ITGA9: variants seen among roughly 807,000 people sequenced by gnomAD.
ITGA9 encodes the protein integrin subunit alpha 9.
A neutral mutation model predicts 127.8 loss-of-function variants in ITGA9; 56 were observed. The observed-to-expected ratio is 0.44, with a 90% confidence interval of 0.35 to 0.55. The LOEUF is 0.55. ITGA9 is among the 20% of genes least tolerant of loss of function. The pLI, the probability that ITGA9 is intolerant of heterozygous loss-of-function variation, is 0.00. For synonymous variants in ITGA9, 508 were observed against 514.5 expected (o/e 0.99, Z 0.17); for missense variants, 1,196 against 1,347.1 (o/e 0.89, Z 1.76).
At chr3:37,642,373 T>C (rs1357882933) in intron 16 of ITGA9, among the ~76,000 whole-genome samples, 1 of 152,256 alleles carries the variant, frequency 6.6e-6, no homozygotes, top group Non-Finnish European at 1.5e-5. Context: ...TATTTGCTAT[T>C]GATCCGCAAC....
In ITGA9 at chr3:37,629,106, A is replaced by C; in HGVS notation, c.1690-81A>C. 1.3e-6 allele frequency: 2 copies of C among 1,501,388 alleles called. No homozygotes were observed. Among genetic ancestry groups the C allele is most frequent in the South Asian group, 2.3e-5 (2 of 88,398 alleles). 93.0% of individuals were successfully genotyped at this position (1,501,388 alleles called of 1,614,324 possible). On this transcript the variant is annotated intron_variant, in intron 15 of 27. Coordinates refer to ENST00000264741, the MANE Select transcript of ITGA9 (RefSeq NM_002207.3). The surrounding 1 kb of genome is among the most constrained non-coding windows in gnomAD (Gnocchi z 4.5). ...GGATTATATGAGGCAATTCATGTAGAAGGTCTTTGTAAACTGTGAAATGCT... is the reference window on the plus strand; with the variant it reads ...GGATTATATGAGGCAATTCATGTAGCAGGTCTTTGTAAACTGTGAAATGCT...
At chr3:37,684,043 C>CA in intron 18 of ITGA9, 28 bp downstream of exon 18, 1 of 1,600,668 alleles carries the variant, frequency 6.2e-7, no homozygotes, top group African/African-American at 1.3e-5. Flanking sequence ...GTAAAAAGAG[C>CA]AGTTGTTCCA....
intron 18 of ITGA9, among the ~76,000 whole-genome samples, chr3:37,713,523 A>G (rs1701100799): frequency 6.6e-6 from 1 of 152,134 alleles, no homozygotes; most frequent in Non-Finnish European, 1.5e-5. Flanking sequence ...TAAAAAGACA[A>G]GAAACAAACA....
At chr3:37,796,723 G>A (rs1353049965) in intron 26 of ITGA9, among the ~76,000 whole-genome samples, 1 of 152,082 alleles carries the variant, frequency 6.6e-6, no homozygotes, top group Non-Finnish European at 1.5e-5. Context: ...AAACTGAGTC[G>A]TGTTCATACT....
chr3:37,465,385 A>C (rs948254029), intron 1 of ITGA9, among the ~76,000 whole-genome samples: 2 of 152,132 alleles, frequency 1.3e-5, no homozygotes, highest in Non-Finnish European at 2.9e-5. Context: ...AGGGCACTTA[A>C]ACTGCCACAC....
intron 14 of ITGA9, among the ~76,000 whole-genome samples, chr3:37,538,346 G>A (rs757716773): frequency 1.3e-5 from 2 of 152,238 alleles, no homozygotes; most frequent in Non-Finnish European, 2.9e-5. Context: ...GGGGCTCCTC[G>A]GGAAGCAGCC....
intron 4 of ITGA9, among the ~76,000 whole-genome samples, chr3:37,494,096 T>C (rs1032556551): frequency 1.1e-4 from 16 of 152,300 alleles, no homozygotes; most frequent in African/African-American, 3.8e-4. Flanking sequence ...ATTGGTCTTC[T>C]TCCAGGAGAC....
chr3:37,530,717 G>GTTTTT (rs71094916), intron 13 of ITGA9, among the ~76,000 whole-genome samples: 13 of 86,250 alleles, frequency 1.5e-4, no homozygotes, highest in Non-Finnish European at 2.4e-4. Context: ...CAGCTACCAG[G>GTTTTT]TTTTTTTTTT....
chr3:37,732,589 T>G, intron 18 of ITGA9, 123 bp from the exon 19 acceptor site: 2 of 758,070 alleles, frequency 2.6e-6, no homozygotes, highest in Non-Finnish European at 2.3e-6. Context: ...GGTCAGGGCA[T>G]CTCGTCCCAC....
intron 2 of ITGA9, among the ~76,000 whole-genome samples, chr3:37,471,686 G>C (rs555845426): frequency 6.6e-6 from 1 of 152,308 alleles, no homozygotes; most frequent in African/African-American, 2.4e-5. Flanking sequence ...GTGTGTGAGT[G>C]GGGAGGCCAC....
At chr3:37,638,962 G>A (rs1700306770) in intron 16 of ITGA9, among the ~76,000 whole-genome samples, 1 of 152,196 alleles carries the variant, frequency 6.6e-6, no homozygotes, top group South Asian at 2.1e-4. Context: ...GGAGAAGACG[G>A]GTTCCAGGAT....
At chr3:37,473,158 A>AAAAG (rs1559514811) in intron 2 of ITGA9, among the ~76,000 whole-genome samples, 196 bp from the exon 3 acceptor site, 3 of 150,610 alleles carry the variant, frequency 2.0e-5, no homozygotes, top group South Asian at 2.1e-4. Context: ...AAAAAAAAAA[A>AAAAG]AAAGAAAGAA....
chr3:37,637,035 G>A (rs1481844785), intron 16 of ITGA9, among the ~76,000 whole-genome samples: 6 of 152,180 alleles, frequency 3.9e-5, no homozygotes, highest in Non-Finnish European at 7.3e-5. Flanking sequence ...GGTTACTGTA[G>A]CCTTGTAGTA....
At chr3:37,499,286 A>G (rs1211792128) in intron 5 of ITGA9, among the ~76,000 whole-genome samples, 3 of 152,364 alleles carry the variant, frequency 2.0e-5, no homozygotes, top group Middle Eastern at 3.4e-3. Flanking sequence ...GAGTTTGTTC[A>G]GCACGGACTT....
chr3:37,686,148 C>A (rs764885279), intron 18 of ITGA9, among the ~76,000 whole-genome samples: 1 of 150,454 alleles, frequency 6.6e-6, no homozygotes, highest in South Asian at 2.1e-4. Context: ...ACCTACTATA[C>A]ACCAGGGACT....
chr3:37,776,914 G>A (rs1391885626), intron 23 of ITGA9, among the ~76,000 whole-genome samples: 2 of 152,150 alleles, frequency 1.3e-5, no homozygotes, highest in African/African-American at 4.8e-5. Flanking sequence ...GCACCGTGGG[G>A]GCTTTCTAGA....
At chr3:37,782,425 AC>A (rs1696985517) in intron 25 of ITGA9, among the ~76,000 whole-genome samples, 1 of 152,090 alleles carries the variant, frequency 6.6e-6, no homozygotes, top group Admixed American at 6.6e-5. Context: ...CCCAGTGACT[AC>A]TGTCCCCATG....
chr3:37,646,907 A>G (rs1700383286), intron 16 of ITGA9, among the ~76,000 whole-genome samples: 1 of 151,744 alleles, frequency 6.6e-6, no homozygotes, highest in African/African-American at 2.4e-5. Flanking sequence ...AGGAGAAGTC[A>G]TTTCTACTTG....
chr3:37,579,438 G>C (rs1699682458), intron 15 of ITGA9, among the ~76,000 whole-genome samples: 1 of 152,168 alleles, frequency 6.6e-6, no homozygotes, highest in East Asian at 1.9e-4. Flanking sequence ...AAGGAAGAGA[G>C]AAGATTACAA....
Sources: allele counts gnomAD v4.1 joint callset (sites outside exome capture counted in the v4.1 genomes callset), GRCh38; gene constraint gnomAD v4.1.1; non-coding constraint Gnocchi (gnomAD v3.1); transcripts MANE v1.5; gene names NCBI Gene and HGNC (gene_info 2026-07-23, HGNC 2026-07-21).